CNKSR2: variants seen among roughly 807,000 people sequenced by gnomAD.
CNKSR2 encodes the protein CNK homolog protein 2.
In CNKSR2, 14 loss-of-function variants were observed where a neutral mutation model predicts 84.4. The observed-to-expected ratio is 0.17, with a 90% CI of 0.11 to 0.26. The LOEUF (loss-of-function observed/expected upper bound fraction) is 0.26. Ranked by LOEUF, CNKSR2 falls within the 10% of genes least tolerant of loss-of-function variation. CNKSR2 has a pLI of 1.00. For synonymous variants in CNKSR2, 275 were observed against 277.9 expected (o/e 0.99, Z 0.10); for missense variants, 485 against 771.2 (o/e 0.63, Z 4.40).
At chrX:21,408,269 C>G (rs1159770684) in intron 1 of CNKSR2, among the ~76,000 whole-genome samples, 1 of 111,831 alleles carries the variant, frequency 8.9e-6, no homozygotes, top group Non-Finnish European at 1.9e-5. Flanking sequence ...CCTGTGGCTA[C>G]TCAGGATGAC....
chrX:21,542,153 G>A (rs764410211), intron 11 of CNKSR2, among the ~76,000 whole-genome samples: 51 of 112,165 alleles, frequency 4.5e-4, no homozygotes, highest in Non-Finnish European at 9.0e-4. Context: ...AAATCAGAGA[G>A]TATAAAATAG....
intron 13 of CNKSR2, among the ~76,000 whole-genome samples, chrX:21,574,264 G>A (rs1482339699): frequency 8.9e-6 from 1 of 111,961 alleles, no homozygotes; most frequent in Non-Finnish European, 1.9e-5. Flanking sequence ...CTTCTAAACT[G>A]TTCCAACCTC....
intron 1 of CNKSR2, among the ~76,000 whole-genome samples, chrX:21,408,739 T>C (rs1462045768): frequency 3.6e-5 from 4 of 110,924 alleles, no homozygotes; most frequent in Non-Finnish European, 7.6e-5. Flanking sequence ...TCTAAGGACC[T>C]TCAATTACAT....
At chrX:21,488,268 G>A (rs1401576014) in intron 5 of CNKSR2, among the ~76,000 whole-genome samples, 1 of 111,678 alleles carries the variant, frequency 9.0e-6, no homozygotes, top group Non-Finnish European at 1.9e-5. Context: ...AACAGAGGAG[G>A]AAAAAGCATT....
At chrX:21,601,417 T>G in intron 18 of CNKSR2, 68 bp downstream of exon 18, 1 of 647,761 alleles carries the variant, frequency 1.5e-6, no homozygotes, top group Non-Finnish European at 2.3e-6. Context: ...ATACAGAAAT[T>G]CATTGCTATC....
chrX:21,592,574 A>G (rs911884571), intron 15 of CNKSR2: 1 of 111,383 alleles, frequency 9.0e-6, no homozygotes, highest in African/African-American at 3.3e-5. Context: ...TCTGAAAAAA[A>G]TGTGTGCTAT....
intron 6 of CNKSR2, chrX:21,492,457 A>G (rs992661100): frequency 9.0e-6 from 1 of 111,527 alleles, no homozygotes; most frequent in Non-Finnish European, 1.9e-5. Flanking sequence ...AATTGCACAT[A>G]TTCACCAGTT....
Position 21,497,748 on chromosome X carries a change from A to G in CNKSR2, c.682-39A>G, listed in dbSNP as rs771593465. The G allele has an allele frequency of 1.2e-5, 8 of 655,382 alleles. No individual in the cohort carries two copies. The Admixed American group carries it at 1.7e-4, about 14-fold the overall frequency. 54.0% of individuals were successfully genotyped at this position (655,382 alleles called of 1,213,427 possible). ...TTACAATGTACTTGAAAATTCACCA[A>G]TTGCTTCACTTTCTTTTCTGATGCT... is the stretch of plus-strand genomic sequence containing the variant. On this transcript the variant is annotated intron_variant, in intron 6 of 21. Coordinates refer to ENST00000379510, the MANE Select transcript of CNKSR2 (RefSeq NM_014927.5).
At chrX:21,467,436 C>G (rs921519734) in intron 4 of CNKSR2, among the ~76,000 whole-genome samples, 1 of 111,010 alleles carries the variant, frequency 9.0e-6, no homozygotes. Flanking sequence ...CCCACTGTTT[C>G]CAAGACCCAG....
At chrX:21,639,622 C>T (rs1187612806) in intron 20 of CNKSR2, among the ~76,000 whole-genome samples, 1 of 111,822 alleles carries the variant, frequency 8.9e-6, no homozygotes, top group East Asian at 2.8e-4. Flanking sequence ...CTGTGTGATA[C>T]AATGTCAGAC....
intron 9 of CNKSR2, among the ~76,000 whole-genome samples, chrX:21,520,565 A>G (rs1466313138): frequency 8.1e-5 from 9 of 110,711 alleles, no homozygotes; most frequent in African/African-American, 2.9e-4. Context: ...GGCCAAGAGC[A>G]TAGATGGGTG....
At chrX:21,413,891 ACAGAACTGCAACAAACTG>A (rs2147019840) in intron 1 of CNKSR2, among the ~76,000 whole-genome samples, 1 of 111,203 alleles carries the variant, frequency 9.0e-6, no homozygotes, top group South Asian at 3.8e-4. Flanking sequence ...GCTATTGTGA[ACAGAACTGCAACAAACTG>A]CAGAACTGCA....
rs139379274 is a variant in CNKSR2 at position 21,566,351 on chromosome X, T to C, written c.1608+2899T>C. ...CATACGCTTAAATAATAGCTTTTTA[T>C]ATTTCACAGGAATTTCTGTTTTATT... On this transcript the variant is annotated intron_variant, in intron 13 of 21. Transcript: ENST00000379510. Among the ~76,000 whole-genome samples, 834 of 112,439 alleles carry C rather than the reference T, an allele frequency of 7.4e-3. 3 individuals are homozygous for C. The highest frequency in any genetic ancestry group is 0.012 in the Non-Finnish European group (643 of 53,212).
intron 5 of CNKSR2, 75 bp downstream of exon 5, chrX:21,470,882 GA>G (rs1299960851): frequency 2.3e-5 from 12 of 531,683 alleles, no homozygotes; most frequent in Non-Finnish European, 3.0e-5. Flanking sequence ...TGAACCATAA[GA>G]AAAAAAATCT....
intron 1 of CNKSR2, among the ~76,000 whole-genome samples, chrX:21,411,042 T>G (rs1158989634): frequency 9.0e-6 from 1 of 111,214 alleles, no homozygotes; most frequent in African/African-American, 3.3e-5. Flanking sequence ...ACTTTTCTTT[T>G]GTGGAGATTA....
At chrX:21,479,147 G>A (rs751549243) in intron 5 of CNKSR2, among the ~76,000 whole-genome samples, 4 of 111,110 alleles carry the variant, frequency 3.6e-5, no homozygotes, top group South Asian at 3.8e-4. Context: ...TCACTTATAC[G>A]TGAGAACATG....
intron 20 of CNKSR2, chrX:21,644,143 A>C (rs772695062): frequency 1.8e-5 from 2 of 111,811 alleles, no homozygotes; most frequent in Non-Finnish European, 3.8e-5. Context: ...GGAAGCCTTA[A>C]AGCACTCTGC....
intron 15 of CNKSR2, 43 bp from the exon 16 acceptor site, chrX:21,594,931 A>G: frequency 1.0e-6 from 1 of 993,972 alleles, no homozygotes; most frequent in Non-Finnish European, 1.4e-6. Context: ...TTACCTTCAC[A>G]CCTTTGTATA....
intron 20 of CNKSR2, among the ~76,000 whole-genome samples, chrX:21,611,820 G>A: frequency 9.0e-6 from 1 of 111,361 alleles, no homozygotes; most frequent in African/African-American, 3.3e-5. Flanking sequence ...TGTACTTTTT[G>A]TCTTTATGGT....
Sources: gnomAD v4.1 joint callset for allele counts (sites outside exome capture counted in the v4.1 genomes callset) on GRCh38, gnomAD v4.1.1 for gene constraint, MANE v1.5 for transcripts, NCBI Gene and HGNC (gene_info 2026-07-23, HGNC 2026-07-21) for gene names.